SLC7A14: variants seen among roughly 807,000 people sequenced by gnomAD.
SLC7A14 encodes the protein gamma-aminobutyric acid transporter SLC7A14.
A neutral mutation model predicts 60.2 loss-of-function variants in SLC7A14; 37 were observed. That is an observed-to-expected ratio of 0.61 (90% CI 0.47 to 0.81). The LOEUF (loss-of-function observed/expected upper bound fraction) is 0.81. Among genes scored for constraint, SLC7A14 ranks in the 30% least tolerant of loss-of-function variants. SLC7A14 has a pLI of 0.00. For synonymous variants in SLC7A14, 399 were observed against 395.8 expected, an observed-to-expected ratio of 1.01 and a Z score of -0.10; for missense variants, 886 against 982.7, an observed-to-expected ratio of 0.90 and a Z score of 1.32.
intron 7 of SLC7A14, among the ~76,000 whole-genome samples, chr3:170,467,822 A>G (rs1483081263): frequency 6.6e-6 from 1 of 152,196 alleles, no homozygotes; most frequent in Non-Finnish European, 1.5e-5. Context: ...GATCAGCAAC[A>G]GTTTATTCCC....
intron 1 of SLC7A14, among the ~76,000 whole-genome samples, chr3:170,542,182 C>T (rs765203238): frequency 5.9e-5 from 9 of 152,168 alleles, no homozygotes; most frequent in South Asian, 4.1e-4. Context: ...CTCCCAGTTG[C>T]TACACAAAGC....
At chr3:170,467,480 GGGGGGCGGT>G in intron 7 of SLC7A14, 103 bp from the exon 8 acceptor site, 1 of 677,318 alleles carries the variant, frequency 1.5e-6, no homozygotes, top group Non-Finnish European at 2.2e-6. Flanking sequence ...CTGGCGGGGT[GGGGGGCGGT>G]GGGGGCGGGG....
At chr3:170,541,849 G>T (rs539736506) in intron 1 of SLC7A14, among the ~76,000 whole-genome samples, 1 of 152,120 alleles carries the variant, frequency 6.6e-6, no homozygotes, top group Non-Finnish European at 1.5e-5. Flanking sequence ...CTGTGGTCAG[G>T]ATCTATTCCT....
intron 5 of SLC7A14, among the ~76,000 whole-genome samples, chr3:170,485,704 G>C (rs1002998428): frequency 1.5e-4 from 23 of 152,146 alleles, no homozygotes; most frequent in African/African-American, 5.6e-4. Flanking sequence ...TGTAACAAGA[G>C]GGAGCAACAG....
chr3:170,465,838 TG>T lies in SLC7A14; in HGVS notation c.*1216del, dbSNP rs749743019. 2.6e-5 allele frequency: 4 copies of T among 152,212 alleles called. No individual in the cohort carries two copies. The highest frequency in any genetic ancestry group is 5.9e-5 in the Non-Finnish European group (4 of 68,040). 9.4% of individuals were successfully genotyped at this position (152,212 alleles called of 1,614,324 possible). ...CAAATTCTCTCATCTATTCTATTTC[TG>T]AGAAAATTCTTTTAATAGCCCCTTT... On this transcript the variant is annotated 3_prime_UTR_variant, in exon 8 of 8. Coordinates refer to ENST00000231706, the MANE Select transcript of SLC7A14 (RefSeq NM_020949.3).
intron 3 of SLC7A14, among the ~76,000 whole-genome samples, chr3:170,500,600 T>G (rs1000597034): frequency 6.6e-6 from 1 of 152,058 alleles, no homozygotes; most frequent in South Asian, 2.1e-4. Flanking sequence ...ATTCATTAAA[T>G]TTTTTTTCAT....
rs893829744 is a variant in SLC7A14 at position 170,468,320 on chromosome 3, C to A, written c.1994-943G>T. 3.3e-5 allele frequency among the ~76,000 whole-genome samples: 5 copies of A among 150,826 alleles called. No homozygotes were observed. In the South Asian group the frequency reaches 1.0e-3, roughly 32 times the overall value. ...TTTTCTTTTCTTTTTTTTTTTGAGA[C>A]AGGGTCTCACTCTGTTGTCCAGGCT... On this transcript the variant is annotated intron_variant, in intron 7 of 7. Transcript: ENST00000231706.
Position 170,467,212 on chromosome 3 carries a change from C to T in SLC7A14, c.2159G>A (p.Trp720Ter). The change falls in exon 8 of 8, where the codon TGG becomes TAG. Residue 720 changes from tryptophan to a stop codon, truncating the protein, a stop_gained. Coordinates refer to ENST00000231706, the MANE Select transcript of SLC7A14 (RefSeq NM_020949.3). LOFTEE classifies it high-confidence loss of function. ...YATEGESQED[W>*]GGPTEDKGFY... is the part of the protein sequence containing the mutation. ...GCCTTTGTCTTCAGTGGGCCCGCCCCAGTCCTCCTGGCTCTCGCCCTCTGT... is the reference window on the plus strand; with the variant it reads ...GCCTTTGTCTTCAGTGGGCCCGCCCTAGTCCTCCTGGCTCTCGCCCTCTGT... The T allele has an allele frequency of 6.2e-7, 1 of 1,614,278 alleles. No homozygotes were observed. The highest frequency in any genetic ancestry group is 8.5e-7 in the Non-Finnish European group (1 of 1,180,046).
chr3:170,493,315 C>A, intron 4 of SLC7A14, among the ~76,000 whole-genome samples: 1 of 152,186 alleles, frequency 6.6e-6, no homozygotes, highest in Non-Finnish European at 1.5e-5. Context: ...AAGCTATTTT[C>A]TTTGGAAGGA....
chr3:170,554,296 A>G (rs1226662664), intron 1 of SLC7A14, among the ~76,000 whole-genome samples: 1 of 152,226 alleles, frequency 6.6e-6, no homozygotes, highest in Admixed American at 6.5e-5. Context: ...GCAATTCAGA[A>G]TGACCAGAAT....
intron 1 of SLC7A14, among the ~76,000 whole-genome samples, chr3:170,533,465 G>A (rs1713740026): frequency 6.6e-6 from 1 of 152,160 alleles, no homozygotes; most frequent in African/African-American, 2.4e-5. Context: ...ATATATCTTG[G>A]AGTCTTATCT....
chr3:170,498,605 T>G, intron 4 of SLC7A14, 62 bp downstream of exon 4: 1 of 1,478,298 alleles, frequency 6.8e-7, no homozygotes, highest in East Asian at 2.3e-5. Flanking sequence ...ATGTCTTAGG[T>G]TGGTCACAGG....
Position 170,483,376 on chromosome 3 carries a change from C to G in SLC7A14, c.1053G>C (p.Leu351=). Residue 351 remains leucine, a synonymous_variant, in exon 6 of 8, where the codon CTG becomes CTC. Transcript: ENST00000231706. The part of the protein sequence containing the change: ...GSVAGLTVSL[L]GSLFPMPRVI... The stretch of plus-strand genomic sequence containing the variant: ...CCCTCGGCATCGGGAAGAGGGACCC[C>G]AGCAAGCTGACTGTCAGTCCTGCAA... The G allele has an allele frequency of 6.2e-7, 1 of 1,614,180 alleles. No homozygotes were observed. The highest frequency in any genetic ancestry group is 8.5e-7 in the Non-Finnish European group (1 of 1,180,036).
intron 1 of SLC7A14, among the ~76,000 whole-genome samples, chr3:170,582,106 T>TAAGTAAGAC (rs1715251220): frequency 6.6e-6 from 1 of 152,204 alleles, no homozygotes; most frequent in Non-Finnish European, 1.5e-5. Context: ...ACCAGCTCCT[T>TAAGTAAGAC]AAGTAAGACA....
At chr3:170,561,397 C>T (rs1217417944) in intron 1 of SLC7A14, among the ~76,000 whole-genome samples, 1 of 152,318 alleles carries the variant, frequency 6.6e-6, no homozygotes, top group East Asian at 1.9e-4. Flanking sequence ...GTGCCTTAAG[C>T]CTTAGGTCCT....
chr3:170,559,945 G>C (rs1714596679), intron 1 of SLC7A14, among the ~76,000 whole-genome samples: 1 of 152,202 alleles, frequency 6.6e-6, no homozygotes, highest in Non-Finnish European at 1.5e-5. Flanking sequence ...GTTTTTGGAA[G>C]GACACAGCAT....
intron 1 of SLC7A14, among the ~76,000 whole-genome samples, chr3:170,580,099 T>C (rs562822643): frequency 1.3e-5 from 2 of 152,366 alleles, no homozygotes; most frequent in East Asian, 3.9e-4. Context: ...TTGGTAGAGA[T>C]AGACGAGTGT....
At chr3:170,506,101 G>T (rs1388559187) in intron 2 of SLC7A14, among the ~76,000 whole-genome samples, 3 of 152,202 alleles carry the variant, frequency 2.0e-5, no homozygotes, top group Non-Finnish European at 2.9e-5. Flanking sequence ...GAATCAATAT[G>T]AAATCCAGTG....
intron 1 of SLC7A14, among the ~76,000 whole-genome samples, chr3:170,544,892 G>T (rs1162589839): frequency 6.6e-6 from 1 of 152,170 alleles, no homozygotes; most frequent in Non-Finnish European, 1.5e-5. Flanking sequence ...GCAGATTAGG[G>T]ACTGGACTGT....
Sources: allele counts gnomAD v4.1 joint callset (sites outside exome capture counted in the v4.1 genomes callset), GRCh38; gene constraint gnomAD v4.1.1; transcripts MANE v1.5; gene names NCBI Gene and HGNC (gene_info 2026-07-23, HGNC 2026-07-21).